The following BRD4 variants were observed in gnomAD, a reference collection of about 807,000 sequenced individuals.
BRD4 encodes the protein bromodomain containing 4.
Under a neutral mutation model 142.1 loss-of-function variants are expected in BRD4, and 16 were observed. That is an observed-to-expected ratio of 0.11 (90% CI 0.08 to 0.17). The LOEUF is 0.17. BRD4 is among the 10% of genes least tolerant of loss of function. The probability of loss-of-function intolerance (pLI) is 1.00; values close to 1 mark genes in which losing one functional copy is unlikely to be tolerated. For synonymous variants in BRD4, 833 were observed against 707.5 expected (o/e 1.18, Z -2.82); for missense variants, 1,424 against 1,810.9 (o/e 0.79, Z 3.88).
intron 1 of BRD4, among the ~76,000 whole-genome samples, chr19:15,324,827 A>G (rs905233983): frequency 6.6e-6 from 1 of 152,182 alleles, no homozygotes; most frequent in Non-Finnish European, 1.5e-5. Flanking sequence ...GGATGCCCCC[A>G]AAGCTGCTGC....
chr19:15,280,142 T>G, intron 1 of BRD4: 1 of 625,636 alleles, frequency 1.6e-6, no homozygotes, highest in Non-Finnish European at 2.0e-6. Context: ...GGCTGCGACT[T>G]TATCATCTTC....
chr19:15,317,435 A>G, intron 1 of BRD4, among the ~76,000 whole-genome samples: 1 of 152,234 alleles, frequency 6.6e-6, no homozygotes, highest in Non-Finnish European at 1.5e-5. Flanking sequence ...TAAAACAGGC[A>G]TGCAGTAAGC....
chr19:15,265,003 T>G (rs1274950369), intron 5 of BRD4, among the ~76,000 whole-genome samples: 1 of 152,216 alleles, frequency 6.6e-6, no homozygotes, highest in Non-Finnish European at 1.5e-5. Context: ...GTGTGCTCAC[T>G]TGGAAGCCAA....
At chr19:15,246,959 AAAGAC>A (rs2047293376) in intron 11 of BRD4, 1 of 177,844 alleles carries the variant, frequency 5.6e-6, no homozygotes, top group Non-Finnish European at 1.2e-5. Flanking sequence ...GTTACCAGTA[AAAGAC>A]AAGACAGGAA....
intron 1 of BRD4, among the ~76,000 whole-genome samples, chr19:15,307,103 A>G (rs1033699339): frequency 6.6e-6 from 1 of 152,246 alleles, no homozygotes; most frequent in African/African-American, 2.4e-5. Flanking sequence ...AAGTAGGGAA[A>G]GGAACACACA....
At chr19:15,251,104 T>G (rs2047339005) in intron 11 of BRD4, among the ~76,000 whole-genome samples, 1 of 151,844 alleles carries the variant, frequency 6.6e-6, no homozygotes, top group African/African-American at 2.4e-5. Context: ...GGGCAGAGGG[T>G]GGGGAATACA....
chr19:15,294,853 C>A (rs2047810761), intron 1 of BRD4, among the ~76,000 whole-genome samples: 1 of 152,174 alleles, frequency 6.6e-6, no homozygotes. Flanking sequence ...AAGTAGCAGG[C>A]AGTCAAGGAT....
At chr19:15,292,128 C>A (rs1016706328) in intron 1 of BRD4, among the ~76,000 whole-genome samples, 10 of 152,182 alleles carry the variant, frequency 6.6e-5, no homozygotes, top group Admixed American at 3.9e-4. Context: ...TATGTTCCAC[C>A]TTTAATTGGG....
rs190743291 is a variant in BRD4, at chr19:15,303,159, C to A, written c.-35+29131G>T. Among the ~76,000 whole-genome samples, 4 of 152,140 alleles carry A rather than the reference C, an allele frequency of 2.6e-5. No individual in the cohort carries two copies. The East Asian group carries it at 7.7e-4, about 29-fold the overall frequency. ...ACACAGTCCATGTAGGGTACACTACCCCTGCATTCACATCAACTGGAGAAG... is the reference window on the plus strand; with the variant it reads ...ACACAGTCCATGTAGGGTACACTACACCTGCATTCACATCAACTGGAGAAG... On this transcript the variant is annotated intron_variant, in intron 1 of 19. Transcript: ENST00000679869.
intron 1 of BRD4, among the ~76,000 whole-genome samples, chr19:15,275,003 C>A (rs577638277): frequency 6.6e-6 from 1 of 152,094 alleles, no homozygotes; most frequent in East Asian, 1.9e-4. Flanking sequence ...GGATTACAGG[C>A]GTGTGCCACC....
intron 3 of BRD4, 122 bp downstream of exon 3, chr19:15,268,783 C>T (rs2047558574): frequency 1.8e-5 from 20 of 1,119,482 alleles, no homozygotes; most frequent in Admixed American, 1.4e-4. Context: ...AGGGTCTCCT[C>T]TTGCCAGACT....
intron 1 of BRD4, among the ~76,000 whole-genome samples, chr19:15,304,175 G>C (rs1015437646): frequency 2.0e-5 from 3 of 152,190 alleles, no homozygotes; most frequent in Non-Finnish European, 4.4e-5. Context: ...ATTCAGAGAA[G>C]GCATACGGTG....
rs1379612783 is a variant in BRD4, at chr19:15,237,588, A to T, written c.*789T>A. ...GTGTCTGGAGGAGAAGAGAGAATTA[A>T]AAATAAAATAGAATTCAACAAAAAA... On this transcript the variant is annotated 3_prime_UTR_variant, in exon 20 of 20. Coordinates refer to ENST00000679869, the MANE Select transcript of BRD4 (RefSeq NM_001379291.1). 4.4e-6 allele frequency: 1 copy of T among 229,226 alleles called. No homozygotes were observed. Among genetic ancestry groups the T allele is most frequent in the Non-Finnish European group, 8.7e-6 (1 of 115,576 alleles). 14.2% of individuals were successfully genotyped at this position (229,226 alleles called of 1,614,324 possible).
chr19:15,290,465 C>A (rs931362476), intron 1 of BRD4, among the ~76,000 whole-genome samples: 2 of 152,110 alleles, frequency 1.3e-5, no homozygotes, highest in Non-Finnish European at 2.9e-5. Context: ...AAATGCATCA[C>A]GAGTACTGAA....
intron 1 of BRD4, among the ~76,000 whole-genome samples, chr19:15,300,724 A>C (rs944525814): frequency 1.3e-5 from 2 of 152,096 alleles, no homozygotes; most frequent in Non-Finnish European, 2.9e-5. Context: ...AGCCACACTG[A>C]TACCACTGCA....
At chr19:15,261,369 G>C (rs1435694764) in intron 7 of BRD4, among the ~76,000 whole-genome samples, 1 of 152,104 alleles carries the variant, frequency 6.6e-6, no homozygotes, top group African/African-American at 2.4e-5. Context: ...TGTAATCCCA[G>C]CTACTCAGGA....
chr19:15,317,473 A>G (rs962713738), intron 1 of BRD4, among the ~76,000 whole-genome samples: 1 of 152,228 alleles, frequency 6.6e-6, no homozygotes, highest in Non-Finnish European at 1.5e-5. Context: ...GAAGATGTCA[A>G]GCATCCAGTC....
At chr19:15,287,224 G>T (rs1268896773) in intron 1 of BRD4, among the ~76,000 whole-genome samples, 2 of 151,724 alleles carry the variant, frequency 1.3e-5, no homozygotes, top group African/African-American at 4.9e-5. Flanking sequence ...CGGTTTTAGA[G>T]GACAGTGCCT....
intron 1 of BRD4, among the ~76,000 whole-genome samples, chr19:15,290,520 T>C (rs2047773941): frequency 6.6e-6 from 1 of 152,132 alleles, no homozygotes; most frequent in Non-Finnish European, 1.5e-5. Context: ...AAACCACCCC[T>C]TTAATAATAA....
Sources: allele counts gnomAD v4.1 joint callset (sites outside exome capture counted in the v4.1 genomes callset), GRCh38; gene constraint gnomAD v4.1.1; transcripts MANE v1.5; gene names NCBI Gene and HGNC (gene_info 2026-07-23, HGNC 2026-07-21).